NCOA1: variants seen among roughly 807,000 people sequenced by gnomAD.
NCOA1 encodes Hin-2 protein.
NCOA1 carries 35 observed loss-of-function variants against 150.9 expected under a neutral mutation model. The ratio of observed to expected loss-of-function variants is 0.23; its 90% CI spans 0.18 to 0.31. The LOEUF (loss-of-function observed/expected upper bound fraction) is 0.31. Among genes scored for constraint, NCOA1 ranks in the 10% least tolerant of loss-of-function variants. The pLI, the probability that NCOA1 is intolerant of heterozygous loss-of-function variation, is 1.00. For missense variants in NCOA1, 1,491 were observed against 1,749.3 expected (o/e 0.85, Z 2.63); for synonymous variants, 590 against 630.0 (o/e 0.94, Z 0.95).
At chr2:24,627,109 T>TGC in intron 3 of NCOA1, among the ~76,000 whole-genome samples, 1 of 143,810 alleles carries the variant, frequency 7.0e-6, no homozygotes, top group African/African-American at 2.5e-5. Context: ...ACCTGTTTTT[T>TGC]TGTTTTTTGC....
In NCOA1 at chr2:24,741,930, A is replaced by G; in HGVS notation, c.3450A>G (p.Leu1150=). The change falls in exon 19 of 23, where the codon CTA becomes CTG. Residue 1150 remains leucine (L), a synonymous_variant. Coordinates refer to ENST00000348332, the MANE Select transcript of NCOA1 (RefSeq NM_003743.5). Reference sequence around the variant, plus strand: ...ACAACCTCCCTCCCTCATCTGGACTACCAGTTCAAATGGGGAACCCCCGTC... The same window carrying G: ...ACAACCTCCCTCCCTCATCTGGACTGCCAGTTCAAATGGGGAACCCCCGTC... ...FGNNLPPSSG[L]PVQMGNPRLP... 1 of 1,614,206 alleles carries G rather than the reference A, an allele frequency of 6.2e-7. No homozygotes were observed.
chr2:24,501,513 T>A (rs1416628864), intron 1 of NCOA1, among the ~76,000 whole-genome samples: 1 of 152,238 alleles, frequency 6.6e-6, no homozygotes, highest in Non-Finnish European at 1.5e-5. Context: ...GTTTACTTGC[T>A]ATAATATTCT....
chr2:24,611,654 C>T (rs1053679084), intron 3 of NCOA1, among the ~76,000 whole-genome samples: 4 of 152,080 alleles, frequency 2.6e-5, no homozygotes, highest in Non-Finnish European at 5.9e-5. Flanking sequence ...TTGAATTGAA[C>T]CCTTTATTGT....
intron 3 of NCOA1, among the ~76,000 whole-genome samples, chr2:24,606,418 G>C (rs1439287976): frequency 1.3e-5 from 2 of 151,938 alleles, no homozygotes; most frequent in Non-Finnish European, 2.9e-5. Context: ...TGTATTTTTA[G>C]TAGGGACAGA....
chr2:24,655,139 A>G (rs141256477), intron 4 of NCOA1, among the ~76,000 whole-genome samples: 15 of 152,358 alleles, frequency 9.8e-5, no homozygotes, highest in African/African-American at 3.1e-4. Context: ...TGCGTAGAAC[A>G]GAGGTTGGCA....
chr2:24,566,702 G>A (rs1666523724), intron 2 of NCOA1, among the ~76,000 whole-genome samples: 1 of 152,182 alleles, frequency 6.6e-6, no homozygotes, highest in Non-Finnish European at 1.5e-5. Flanking sequence ...ATGGTGCCCA[G>A]GCTGTTCCTG....
chr2:24,560,471 T>C (rs771115237), intron 1 of NCOA1, among the ~76,000 whole-genome samples: 11 of 152,214 alleles, frequency 7.2e-5, no homozygotes, highest in Non-Finnish European at 1.2e-4. Context: ...TGACATTCTT[T>C]GGTGGCTTTC....
At chr2:24,671,093 G>A (rs1050448156) in intron 6 of NCOA1, among the ~76,000 whole-genome samples, 4 of 152,114 alleles carry the variant, frequency 2.6e-5, no homozygotes, top group African/African-American at 7.2e-5. Context: ...ACCAAAAATA[G>A]TTTATTATAG....
At chr2:24,523,260 T>C (rs2148140594) in intron 1 of NCOA1, among the ~76,000 whole-genome samples, 1 of 152,256 alleles carries the variant, frequency 6.6e-6, no homozygotes, top group South Asian at 2.1e-4. Context: ...CTAAATAGAT[T>C]GTTATTATTA....
chr2:24,635,419 G>A (rs1669898903), intron 3 of NCOA1, among the ~76,000 whole-genome samples: 1 of 151,630 alleles, frequency 6.6e-6, no homozygotes, highest in African/African-American at 2.4e-5. Flanking sequence ...ATCATTAGTA[G>A]GAATCCATCT....
intron 3 of NCOA1, among the ~76,000 whole-genome samples, chr2:24,606,936 A>G (rs1572481865): frequency 1.3e-5 from 2 of 152,150 alleles, no homozygotes; most frequent in African/African-American, 4.8e-5. Context: ...AACTTCTCAA[A>G]CCTTGGAATC....
chr2:24,650,594 C>A (rs572235873), intron 4 of NCOA1, among the ~76,000 whole-genome samples: 2 of 152,082 alleles, frequency 1.3e-5, no homozygotes, highest in South Asian at 4.1e-4. Flanking sequence ...TAAACCCAAC[C>A]CAAAATCCTA....
intron 3 of NCOA1, among the ~76,000 whole-genome samples, chr2:24,616,034 A>G (rs1033944483): frequency 3.3e-5 from 5 of 152,230 alleles, no homozygotes; most frequent in Non-Finnish European, 7.3e-5. Context: ...AAAGTAAAAT[A>G]AAAATGGCAC....
chr2:24,620,549 TG>T (rs1409627747), intron 3 of NCOA1, among the ~76,000 whole-genome samples: 5 of 152,114 alleles, frequency 3.3e-5, no homozygotes, highest in Admixed American at 2.6e-4. Context: ...GCGGAGGTTT[TG>T]GTGAGCTGAG....
At chr2:24,767,112 T>C (rs982817572) in intron 22 of NCOA1, among the ~76,000 whole-genome samples, 1 of 152,176 alleles carries the variant, frequency 6.6e-6, no homozygotes, top group Non-Finnish European at 1.5e-5. Flanking sequence ...GTGTCCAAAT[T>C]TGATGCATAC....
intron 8 of NCOA1, among the ~76,000 whole-genome samples, chr2:24,687,908 C>CCT (rs1672483840): frequency 6.6e-6 from 1 of 152,200 alleles, no homozygotes; most frequent in African/African-American, 2.4e-5. Context: ...CTCCTGCCAG[C>CCT]CTCCACCCTC....
chr2:24,495,388 G>C (rs1033562124), intron 1 of NCOA1, among the ~76,000 whole-genome samples: 2 of 152,114 alleles, frequency 1.3e-5, no homozygotes, highest in African/African-American at 4.8e-5. Flanking sequence ...ATATTTAAAA[G>C]ATAAGTAGCT....
chr2:24,728,556 T>C (rs1266179483), intron 16 of NCOA1, 80 bp downstream of exon 16: 3 of 1,224,348 alleles, frequency 2.5e-6, no homozygotes, highest in Non-Finnish European at 3.4e-6. Flanking sequence ...TTTTAAAGTA[T>C]TGTACCCACT....
chr2:24,547,352 C>T (rs1446140380), intron 1 of NCOA1, among the ~76,000 whole-genome samples: 1 of 152,106 alleles, frequency 6.6e-6, no homozygotes, highest in Non-Finnish European at 1.5e-5. Context: ...TCTTGTCATT[C>T]ACTATAAATT....
Sources: allele counts gnomAD v4.1 joint callset (sites outside exome capture counted in the v4.1 genomes callset), GRCh38; gene constraint gnomAD v4.1.1; transcripts MANE v1.5; gene names NCBI Gene and HGNC (gene_info 2026-07-23, HGNC 2026-07-21).